Variants in AFF2 observed in about 807,000 individuals in gnomAD.
AFF2 encodes AF4/FMR2 family member 2.
AFF2 carries 14 observed loss-of-function variants against 76.9 expected under a neutral mutation model. That is an observed-to-expected ratio of 0.18 (90% CI 0.12 to 0.28). The LOEUF (loss-of-function observed/expected upper bound fraction) is 0.28. AFF2 is among the 10% of genes least tolerant of loss of function. The pLI, the probability that AFF2 is intolerant of heterozygous loss-of-function variation, is 1.00. For synonymous variants in AFF2, 398 were observed against 366.7 expected, an observed-to-expected ratio of 1.09 and a Z score of -0.98; for missense variants, 868 against 1,001.1, an observed-to-expected ratio of 0.87 and a Z score of 1.79.
intron 1 of AFF2, among the ~76,000 whole-genome samples, chrX:148,643,104 T>C (rs2054106325): frequency 9.0e-6 from 1 of 110,987 alleles, no homozygotes; most frequent in African/African-American, 3.3e-5. Context: ...CAGTAAAGAG[T>C]GAATGAAGAA....
chrX:148,666,091 G>A (rs1429979283), intron 3 of AFF2, among the ~76,000 whole-genome samples: 3 of 111,869 alleles, frequency 2.7e-5, no homozygotes, highest in African/African-American at 9.8e-5. Flanking sequence ...AATGTGATGT[G>A]CAAGTGTGTG....
At chrX:148,849,362 CT>C (rs2070705152) in intron 7 of AFF2, among the ~76,000 whole-genome samples, 1 of 15,744 alleles carries the variant, frequency 6.4e-5, no homozygotes, top group African/African-American at 3.2e-4. Context: ...GTCTCTCTCT[CT>C]CCTCCCCCCC....
chrX:148,855,964 T>C (rs2070782252), intron 7 of AFF2, among the ~76,000 whole-genome samples: 1 of 111,720 alleles, frequency 9.0e-6, no homozygotes, highest in Non-Finnish European at 1.9e-5. Context: ...TTTGAGTGAG[T>C]GCTGTTTGTA....
chrX:148,664,711 C>T (rs2054341283), intron 3 of AFF2, among the ~76,000 whole-genome samples: 1 of 112,623 alleles, frequency 8.9e-6, no homozygotes, highest in African/African-American at 3.2e-5. Flanking sequence ...ATAGTAGATA[C>T]TCAATAAATG....
At chrX:148,686,226 A>G (rs1282404624) in intron 3 of AFF2, among the ~76,000 whole-genome samples, 1 of 111,841 alleles carries the variant, frequency 8.9e-6, no homozygotes, top group Non-Finnish European at 1.9e-5. Context: ...TGATGATTTC[A>G]TATATATTTG....
chrX:148,955,779 G>A lies in AFF2; in HGVS notation c.1734G>A (p.Gln578=). The change falls in exon 11 of 21, where the codon CAG becomes CAA. Residue 578 remains glutamine, a synonymous_variant. Coordinates refer to ENST00000370460, the MANE Select transcript of AFF2 (RefSeq NM_002025.4). ...VQMKVKTNAS[Q]VPAEPKERPL... ...TGAAAGTGAAGACGAATGCCAGTCA[G>A]GTCCCAGCTGAACCCAAAGAAAGGC... 1 of 1,211,707 alleles carries A rather than the reference G, an allele frequency of 8.3e-7. No homozygotes were observed. The highest frequency in any genetic ancestry group is 1.1e-6 in the Non-Finnish European group (1 of 895,512).
intron 9 of AFF2, among the ~76,000 whole-genome samples, chrX:148,917,304 A>G (rs1049992240): frequency 1.8e-5 from 2 of 111,695 alleles, no homozygotes; most frequent in Non-Finnish European, 3.8e-5. Flanking sequence ...CTCCCTATGA[A>G]TGGGGGTTAG....
At chrX:148,711,963 T>C (rs1679740356) in intron 3 of AFF2, among the ~76,000 whole-genome samples, 1 of 111,926 alleles carries the variant, frequency 8.9e-6, no homozygotes, top group South Asian at 3.7e-4. Context: ...CCCTGCTTCA[T>C]CTCCTCCTTT....
At chrX:148,735,774 C>G (rs1557265032) in intron 3 of AFF2, among the ~76,000 whole-genome samples, 1 of 111,189 alleles carries the variant, frequency 9.0e-6, no homozygotes, top group Non-Finnish European at 1.9e-5. Flanking sequence ...CCCTCTCCCA[C>G]TCTTCCCCGC....
intron 1 of AFF2, among the ~76,000 whole-genome samples, chrX:148,632,909 A>C (rs1472801589): frequency 8.9e-6 from 1 of 111,967 alleles, no homozygotes; most frequent in Non-Finnish European, 1.9e-5. Flanking sequence ...CCAGGTCTCC[A>C]CTTCTAATCC....
At chrX:148,960,702 A>G (rs2072098985) in intron 12 of AFF2, among the ~76,000 whole-genome samples, 1 of 112,105 alleles carries the variant, frequency 8.9e-6, no homozygotes, top group South Asian at 3.7e-4. Flanking sequence ...TAAACCTAAC[A>G]AAGATTCCAC....
chrX:148,981,176 A>T (rs1187059372), intron 19 of AFF2, among the ~76,000 whole-genome samples: 5 of 112,192 alleles, frequency 4.5e-5, no homozygotes, highest in Non-Finnish European at 7.5e-5. Flanking sequence ...CCAAAGGCAT[A>T]ATAGTGCTGA....
At chrX:148,606,586 A>C (rs1219244683) in intron 1 of AFF2, among the ~76,000 whole-genome samples, 1 of 111,214 alleles carries the variant, frequency 9.0e-6, no homozygotes, top group African/African-American at 3.3e-5. Context: ...CATATTTTCT[A>C]TGGTGTTTCC....
intron 7 of AFF2, among the ~76,000 whole-genome samples, chrX:148,878,539 C>A (rs782084816): frequency 8.9e-6 from 1 of 111,759 alleles, no homozygotes; most frequent in Non-Finnish European, 1.9e-5. Context: ...TGAATGAATT[C>A]CTATTCCTCC....
At chrX:148,725,431 A>G (rs1557264166) in intron 3 of AFF2, among the ~76,000 whole-genome samples, 2 of 111,276 alleles carry the variant, frequency 1.8e-5, no homozygotes, top group African/African-American at 3.3e-5. Context: ...TGGAGCACAA[A>G]CAGGCTCCAG....
chrX:148,976,058 G>A (rs2072321956), intron 16 of AFF2, among the ~76,000 whole-genome samples: 1 of 109,789 alleles, frequency 9.1e-6, no homozygotes, highest in African/African-American at 3.3e-5. Context: ...AAGTTATTTA[G>A]GGAAAAAAAC....
At chrX:148,583,022 T>A (rs782718792) in intron 1 of AFF2, among the ~76,000 whole-genome samples, 1 of 112,080 alleles carries the variant, frequency 8.9e-6, no homozygotes, top group African/African-American at 3.2e-5. Flanking sequence ...ATTGTATGAT[T>A]CCATTTATGT....
chrX:148,641,040 G>A (rs945914788), intron 1 of AFF2, among the ~76,000 whole-genome samples: 9 of 111,429 alleles, frequency 8.1e-5, no homozygotes, highest in African/African-American at 2.9e-4. Flanking sequence ...TATAACATGT[G>A]TTACTCTGCA....
rs16994896 is a variant in AFF2, at chrX:148,968,046, G to A, written c.3267+354G>A. ...TTTTTGGTCCAGTAAGCCAGAACTCGTGTGGGAATGTGAGAGTTGTTTAGA... is the reference window on the plus strand; with the variant it reads ...TTTTTGGTCCAGTAAGCCAGAACTCATGTGGGAATGTGAGAGTTGTTTAGA... On this transcript the variant is annotated intron_variant, in intron 15 of 20. Coordinates refer to ENST00000370460, the MANE Select transcript of AFF2 (RefSeq NM_002025.4). 6.4e-3 allele frequency among the ~76,000 whole-genome samples: 715 copies of A among 111,601 alleles called. 9 individuals carry two copies. Among genetic ancestry groups the A allele is most frequent in the African/African-American group, 0.021 (652 of 30,692 alleles).
Sources: allele counts gnomAD v4.1 joint callset (sites outside exome capture counted in the v4.1 genomes callset), GRCh38; gene constraint gnomAD v4.1.1; transcripts MANE v1.5; gene names NCBI Gene and HGNC (gene_info 2026-07-23, HGNC 2026-07-21).